ASAP1: variants seen among roughly 807,000 people sequenced by gnomAD.
ASAP1 encodes arf-GAP with SH3 domain, ANK repeat and PH domain-containing protein 1.
A neutral mutation model predicts 145.2 loss-of-function variants in ASAP1; 43 were observed. The observed-to-expected ratio is 0.30, with a 90% CI of 0.23 to 0.38. The LOEUF is 0.38. ASAP1 is among the 10% of genes least tolerant of loss of function. The pLI, the probability that ASAP1 is intolerant of heterozygous loss-of-function variation, is 1.00. For missense variants in ASAP1, 1,018 were observed against 1,355.3 expected, an observed-to-expected ratio of 0.75 and a Z score of 3.91; for synonymous variants, 546 against 515.5, an observed-to-expected ratio of 1.06 and a Z score of -0.80.
intron 5 of ASAP1, among the ~76,000 whole-genome samples, chr8:130,203,104 CACA>C (rs1292175801): frequency 4.0e-5 from 6 of 151,738 alleles, no homozygotes; most frequent in African/African-American, 2.4e-5. Context: ...AAAAAACACA[CACA>C]ACAACAAATG....
At chr8:130,174,245 G>A (rs1813797756) in intron 9 of ASAP1, among the ~76,000 whole-genome samples, 1 of 152,102 alleles carries the variant, frequency 6.6e-6, no homozygotes, top group East Asian at 1.9e-4. Context: ...ACATTTTCTA[G>A]TTTCAAGGAG....
At position 130,414,384 on chromosome 8, in the gene ASAP1, T is replaced by C. The variant is rs1397967014; in HGVS notation, c.-27-12414A>G. Among the ~76,000 whole-genome samples, 4 of 152,204 alleles carry C rather than the reference T, an allele frequency of 2.6e-5. No homozygotes were observed. In the East Asian group the frequency reaches 7.7e-4, roughly 29 times the overall value. ...ATTTGCATTTACAAGGTTCTTGACC[T>C]GAAAGGTGCAGAGAAGCAGAAGGAA... is the stretch of plus-strand genomic sequence containing the variant. On this transcript the variant is annotated intron_variant, in intron 1 of 29. Transcript: ENST00000518721.
chr8:130,387,443 G>A (rs1157899322), intron 2 of ASAP1, among the ~76,000 whole-genome samples: 1 of 151,980 alleles, frequency 6.6e-6, no homozygotes, highest in Admixed American at 6.6e-5. Context: ...GGCTGAGGCA[G>A]GAGAATCACT....
At chr8:130,243,218 T>C (rs1414303931) in intron 3 of ASAP1, among the ~76,000 whole-genome samples, 1 of 152,170 alleles carries the variant, frequency 6.6e-6, no homozygotes, top group Non-Finnish European at 1.5e-5. Context: ...AAGTTGTTCA[T>C]AAAACATTCA....
rs1476232042 is a variant in ASAP1, at chr8:130,409,072, G to A, written c.-27-7102C>T. On this transcript the variant is annotated intron_variant, in intron 1 of 29. Transcript: ENST00000518721. ...AGGTCAGGAGTTCGAGACCAGCCTG[G>A]CCAACATGGTGAAACCCCATCTCTA... Among the ~76,000 whole-genome samples the A allele has an allele frequency of 2.0e-5, 3 of 152,122 alleles. No individual in the cohort carries two copies. In the East Asian group the frequency reaches 5.8e-4, roughly 29 times the overall value.
intron 3 of ASAP1, among the ~76,000 whole-genome samples, chr8:130,318,956 G>C (rs1053974407): frequency 6.6e-6 from 1 of 152,170 alleles, no homozygotes; most frequent in African/African-American, 2.4e-5. Context: ...ATTAGAAGCA[G>C]AATTAAAAGC....
chr8:130,421,820 T>C (rs1036348831), intron 1 of ASAP1, among the ~76,000 whole-genome samples: 3 of 152,224 alleles, frequency 2.0e-5, no homozygotes, highest in East Asian at 1.9e-4. Context: ...TAATACACCA[T>C]CCCAGTCTCC....
intron 2 of ASAP1, among the ~76,000 whole-genome samples, chr8:130,399,609 C>T (rs747827732): frequency 1.7e-4 from 26 of 152,118 alleles, no homozygotes; most frequent in Non-Finnish European, 3.1e-4. Flanking sequence ...CTCACTTCAT[C>T]CACCCATTCA....
intron 3 of ASAP1, among the ~76,000 whole-genome samples, chr8:130,266,481 A>G (rs999994236): frequency 6.6e-6 from 1 of 152,226 alleles, no homozygotes; most frequent in African/African-American, 2.4e-5. Flanking sequence ...GAATTAAATA[A>G]GCAGTTTGGA....
intron 8 of ASAP1, among the ~76,000 whole-genome samples, chr8:130,180,329 T>C (rs1814267074): frequency 6.6e-6 from 1 of 152,256 alleles, no homozygotes; most frequent in Non-Finnish European, 1.5e-5. Context: ...GCATGCTTTT[T>C]GTTGCATTTT....
intron 1 of ASAP1, among the ~76,000 whole-genome samples, chr8:130,441,581 C>G (rs1446759570): frequency 6.6e-6 from 1 of 152,212 alleles, no homozygotes; most frequent in African/African-American, 2.4e-5. Context: ...TTCCTCTAGA[C>G]TTCAGTCACC....
At chr8:130,111,702 C>T (rs925761056) in intron 24 of ASAP1, among the ~76,000 whole-genome samples, 1 of 152,318 alleles carries the variant, frequency 6.6e-6, no homozygotes, top group East Asian at 1.9e-4. Flanking sequence ...CTCCACTCCA[C>T]ATTATAAAAA....
chr8:130,114,861 A>G (rs2097552428), intron 23 of ASAP1, among the ~76,000 whole-genome samples: 1 of 151,506 alleles, frequency 6.6e-6, no homozygotes, highest in African/African-American at 2.4e-5. Context: ...TGCAGCCTCA[A>G]ACTCCTGGGC....
intron 7 of ASAP1, among the ~76,000 whole-genome samples, chr8:130,184,453 A>G (rs578059263): frequency 6.6e-4 from 101 of 152,356 alleles, no homozygotes; most frequent in Admixed American, 7.8e-4. Context: ...CTGTGTTTCC[A>G]TTAGAAGCAC....
At chr8:130,401,566 A>G (rs980457054) in intron 2 of ASAP1, among the ~76,000 whole-genome samples, 1 of 152,202 alleles carries the variant, frequency 6.6e-6, no homozygotes, top group African/African-American at 2.4e-5. Context: ...TAAAGAACCT[A>G]AAACACAGTG....
At chr8:130,429,315 T>C (rs1351617657) in intron 1 of ASAP1, among the ~76,000 whole-genome samples, 1 of 152,246 alleles carries the variant, frequency 6.6e-6, no homozygotes, top group African/African-American at 2.4e-5. Context: ...TCATCACCAC[T>C]GTCATCAGGA....
intron 3 of ASAP1, among the ~76,000 whole-genome samples, chr8:130,282,223 T>C (rs1311749829): frequency 6.6e-6 from 1 of 152,248 alleles, no homozygotes; most frequent in African/African-American, 2.4e-5. Context: ...CCTGCAAGTA[T>C]ACCATGTTTT....
intron 10 of ASAP1, 103 bp from the exon 11 acceptor site, chr8:130,167,725 G>T: frequency 3.6e-6 from 3 of 823,570 alleles, no homozygotes; most frequent in Non-Finnish European, 3.9e-6. Flanking sequence ...TATATATTTG[G>T]TTTTCTTACT....
chr8:130,094,663 G>A (rs2097513454), intron 24 of ASAP1, among the ~76,000 whole-genome samples: 1 of 152,194 alleles, frequency 6.6e-6, no homozygotes, highest in South Asian at 2.1e-4. Flanking sequence ...GAGGGGCAGA[G>A]CTGGGATAAG....
Sources: allele counts gnomAD v4.1 joint callset (sites outside exome capture counted in the v4.1 genomes callset), GRCh38; gene constraint gnomAD v4.1.1; transcripts MANE v1.5; gene names NCBI Gene and HGNC (gene_info 2026-07-23, HGNC 2026-07-21).